The following TAFA1 variants were observed in gnomAD, a reference collection of about 807,000 sequenced individuals.
The protein encoded by TAFA1 is TAFA chemokine like family member 1.
Under a neutral mutation model 18.5 loss-of-function variants are expected in TAFA1, and 4 were observed. The observed-to-expected ratio is 0.22, with a 90% CI of 0.11 to 0.49. The LOEUF is 0.49. TAFA1 is among the 20% of genes least tolerant of loss of function. The pLI is 0.98. For synonymous variants in TAFA1, 56 were observed against 55.2 expected, an observed-to-expected ratio of 1.01 and a Z score of -0.06; for missense variants, 147 against 169.0, an observed-to-expected ratio of 0.87 and a Z score of 0.72.
At chr3:68,491,358 C>T (rs2072449692) in intron 3 of TAFA1, among the ~76,000 whole-genome samples, 1 of 151,888 alleles carries the variant, frequency 6.6e-6, no homozygotes, top group Non-Finnish European at 1.5e-5. Flanking sequence ...ACTATGTAGC[C>T]ATAAAAAATG....
chr3:68,151,961 A>T (rs2065812009), intron 2 of TAFA1, among the ~76,000 whole-genome samples: 1 of 152,190 alleles, frequency 6.6e-6, no homozygotes, highest in African/African-American at 2.4e-5. Context: ...ACCAATAGAC[A>T]TCATTTAATG....
chr3:68,197,466 A>G (rs943442550), intron 2 of TAFA1, among the ~76,000 whole-genome samples: 1 of 151,646 alleles, frequency 6.6e-6, no homozygotes, highest in African/African-American at 2.4e-5. Context: ...GGGTTCGGGA[A>G]ATGCAATGAA....
chr3:68,294,813 G>T (rs1475702878), intron 2 of TAFA1, among the ~76,000 whole-genome samples: 1 of 152,122 alleles, frequency 6.6e-6, no homozygotes, highest in Non-Finnish European at 1.5e-5. Flanking sequence ...GGAGGTTGAG[G>T]CTGCAGTGAG....
intron 2 of TAFA1, among the ~76,000 whole-genome samples, chr3:68,216,332 A>G (rs1602557): frequency 0.32 from 48,822 of 151,974 alleles, 8,260 homozygotes; most frequent in East Asian, 0.62. Flanking sequence ...GTTTTCAAGA[A>G]CAGGGGAATC....
intron 2 of TAFA1, among the ~76,000 whole-genome samples, chr3:68,019,834 G>T (rs1236130507): frequency 6.6e-6 from 1 of 152,148 alleles, no homozygotes; most frequent in Non-Finnish European, 1.5e-5. Context: ...GCCAGTGATG[G>T]CAAATTCCTG....
At position 68,305,423 on chromosome 3, in the gene TAFA1, ATATATATAT is replaced by A. The variant is rs1559608932; in HGVS notation, c.119-111856_119-111848del. ...TGACTATATGACTATATATATATAT[ATATATATAT>A]ATATATATATATATATATATATATA... On this transcript the variant is annotated intron_variant, in intron 2 of 4. Coordinates refer to ENST00000478136, the MANE Select transcript of TAFA1 (RefSeq NM_213609.4). 2.2e-3 allele frequency among the ~76,000 whole-genome samples: 204 copies of A among 94,296 alleles called. 3 individuals are homozygous for A. In the East Asian group the frequency reaches 0.024, roughly 11 times the overall value. The allele number at this position is 94,296 out of a possible 152,430, so 61.9% of individuals were successfully genotyped here.
intron 2 of TAFA1, among the ~76,000 whole-genome samples, chr3:68,166,312 G>A (rs1028020833): frequency 6.6e-6 from 1 of 152,096 alleles, no homozygotes; most frequent in Non-Finnish European, 1.5e-5. Context: ...TTTTCTCCCC[G>A]TAGCTCTTTG....
intron 3 of TAFA1, 91 bp from the exon 4 acceptor site, chr3:68,538,665 C>T: frequency 7.4e-7 from 1 of 1,352,656 alleles, no homozygotes; most frequent in Non-Finnish European, 1.0e-6. Context: ...AGTGTGCTTC[C>T]AAGAACGTGA....
At chr3:68,394,042 A>G (rs1445841647) in intron 2 of TAFA1, among the ~76,000 whole-genome samples, 2 of 150,628 alleles carry the variant, frequency 1.3e-5, no homozygotes, top group Non-Finnish European at 3.0e-5. Context: ...AGAAATATGC[A>G]TTTAGAAAAC....
intron 2 of TAFA1, among the ~76,000 whole-genome samples, chr3:68,044,019 G>C (rs544648305): frequency 1.2e-4 from 19 of 152,268 alleles, no homozygotes; most frequent in African/African-American, 4.3e-4. Context: ...AAAAAGGCTA[G>C]GAAAATCACA....
intron 2 of TAFA1, among the ~76,000 whole-genome samples, chr3:68,067,946 A>T (rs552220158): frequency 6.6e-6 from 1 of 152,114 alleles, no homozygotes; most frequent in Non-Finnish European, 1.5e-5. Flanking sequence ...TTACAAAAAA[A>T]CAAAAAACAA....
At chr3:68,046,640 G>T (rs533961590) in intron 2 of TAFA1, among the ~76,000 whole-genome samples, 1 of 152,082 alleles carries the variant, frequency 6.6e-6, no homozygotes, top group African/African-American at 2.4e-5. Flanking sequence ...TCATGATAAG[G>T]GTCATTCATG....
At chr3:68,177,873 G>T (rs2066144673) in intron 2 of TAFA1, among the ~76,000 whole-genome samples, 1 of 152,156 alleles carries the variant, frequency 6.6e-6, no homozygotes, top group African/African-American at 2.4e-5. Context: ...GGCTGGGCAT[G>T]GTGGCTCACG....
At position 68,157,960 on chromosome 3, in the gene TAFA1, C is replaced by T. The variant is rs551273109; in HGVS notation, c.118+151216C>T. Among the ~76,000 whole-genome samples the T allele has an allele frequency of 1.5e-4, 23 of 152,326 alleles. No individual in the cohort carries two copies. In the East Asian group the frequency reaches 2.9e-3, roughly 19 times the overall value. Reference sequence around the variant, plus strand: ...CAACTTTCACATTTGAGTCCCTTTACTCTCAATCTATTCCCTCAGTCTTGG... The same window carrying T: ...CAACTTTCACATTTGAGTCCCTTTATTCTCAATCTATTCCCTCAGTCTTGG... On this transcript the variant is annotated intron_variant, in intron 2 of 4. Transcript: ENST00000478136.
intron 2 of TAFA1, among the ~76,000 whole-genome samples, chr3:68,359,360 GA>G (rs1207269090): frequency 6.6e-6 from 1 of 151,956 alleles, no homozygotes; most frequent in Non-Finnish European, 1.5e-5. Context: ...AAGGCAAAAG[GA>G]AAATTAAGGT....
At chr3:68,281,550 A>G (rs1575743445) in intron 2 of TAFA1, among the ~76,000 whole-genome samples, 1 of 148,258 alleles carries the variant, frequency 6.7e-6, no homozygotes, top group African/African-American at 2.5e-5. Context: ...GCTCACTGCA[A>G]CCTCCACTTC....
intron 2 of TAFA1, among the ~76,000 whole-genome samples, chr3:68,058,906 T>A (rs1035398321): frequency 2.0e-5 from 3 of 152,188 alleles, no homozygotes; most frequent in African/African-American, 4.8e-5. Flanking sequence ...AAAAGGGTTG[T>A]AAATTGGGAG....
chr3:68,233,847 T>G (rs2066898477), intron 2 of TAFA1, among the ~76,000 whole-genome samples: 1 of 152,196 alleles, frequency 6.6e-6, no homozygotes, highest in South Asian at 2.1e-4. Flanking sequence ...TACATACATC[T>G]TCTTGCATCT....
chr3:68,414,943 A>G (rs2070781524), intron 2 of TAFA1, among the ~76,000 whole-genome samples: 1 of 152,202 alleles, frequency 6.6e-6, no homozygotes, highest in African/African-American at 2.4e-5. Flanking sequence ...ATTTTTGTGA[A>G]GTGTCGAACT....
Sources: allele counts gnomAD v4.1 joint callset (sites outside exome capture counted in the v4.1 genomes callset), GRCh38; gene constraint gnomAD v4.1.1; transcripts MANE v1.5; gene names NCBI Gene and HGNC (gene_info 2026-07-23, HGNC 2026-07-21).